The following LRRIQ3 variants were observed in gnomAD, a reference collection of about 807,000 sequenced individuals.
The protein encoded by LRRIQ3 is leucine rich repeats and IQ motif containing 3.
Under a neutral mutation model 59.3 loss-of-function variants are expected in LRRIQ3, and 75 were observed. The observed-to-expected ratio is 1.26, with a 90% confidence interval of 1.05 to 1.53. The LOEUF is 1.53. Ranked by LOEUF, LRRIQ3 falls within the 40% of genes most tolerant of loss-of-function variation. LRRIQ3 has a pLI of 0.00. For synonymous variants in LRRIQ3, 250 were observed against 231.3 expected (o/e 1.08, Z -0.73); for missense variants, 831 against 710.0 (o/e 1.17, Z -1.94).
intron 5 of LRRIQ3, among the ~76,000 whole-genome samples, chr1:74,089,732 A>T (rs1302527846): frequency 6.6e-6 from 1 of 152,026 alleles, no homozygotes; most frequent in Non-Finnish European, 1.5e-5. Flanking sequence ...GAATAATGAA[A>T]ATTTTATTTA....
chr1:74,027,118 TA>T (rs1308171735), intron 7 of LRRIQ3, 149 bp from the exon 8 acceptor site: 2 of 540,702 alleles, frequency 3.7e-6, no homozygotes, highest in Non-Finnish European at 6.3e-6. Context: ...ATAACTTGGT[TA>T]TATCATTAAA....
intron 6 of LRRIQ3, among the ~76,000 whole-genome samples, chr1:74,062,698 A>G (rs1654755211): frequency 6.6e-6 from 1 of 152,264 alleles, no homozygotes; most frequent in Admixed American, 6.5e-5. Flanking sequence ...ACATGGTTGG[A>G]GCTGTAGGCC....
At chr1:74,094,181 C>A (rs535997007) in intron 5 of LRRIQ3, among the ~76,000 whole-genome samples, 1 of 151,988 alleles carries the variant, frequency 6.6e-6, no homozygotes. Flanking sequence ...CCTCATTTAA[C>A]CTTAATTACT....
At position 74,041,788 on chromosome 1, in the gene LRRIQ3, A is replaced by C; in HGVS notation, c.1143T>G (p.Tyr381Ter). The change falls in exon 7 of 8, where the codon TAT (tyrosine) becomes TAG (stop). Residue 381 changes from tyrosine (Y) to a stop codon, truncating the protein, a stop_gained. Transcript: ENST00000354431. LOFTEE classifies it high-confidence loss of function. ...REKKQHFFPA[Y>*]PQPIYTTHPK... The stretch of plus-strand genomic sequence containing the variant: ...GATGAGTAGTATAGATTGGCTGAGG[A>C]TATGCAGGAAAAAAATGTTGTTTTT... 2.5e-6 allele frequency: 4 copies of C among 1,613,654 alleles called. No individual in the cohort carries two copies. The highest frequency in any genetic ancestry group is 3.4e-6 in the Non-Finnish European group (4 of 1,179,758).
intron 4 of LRRIQ3, chr1:74,138,443 CT>C (rs1323552046): frequency 1.0e-6 from 1 of 979,424 alleles, no homozygotes; most frequent in Non-Finnish European, 1.2e-6. Flanking sequence ...TACATACTTA[CT>C]TTTTGGTGTC....
At chr1:74,142,582 C>T (rs1279643201) in intron 4 of LRRIQ3, among the ~76,000 whole-genome samples, 1 of 151,938 alleles carries the variant, frequency 6.6e-6, no homozygotes, top group Non-Finnish European at 1.5e-5. Flanking sequence ...GTTAAAGTAG[C>T]TTAAATTTCA....
chr1:74,090,336 T>TA (rs397861236), intron 5 of LRRIQ3, among the ~76,000 whole-genome samples: 2 of 151,554 alleles, frequency 1.3e-5, no homozygotes, highest in African/African-American at 2.4e-5. Flanking sequence ...GTTTTTTTTT[T>TA]AAAACTGAAG....
intron 4 of LRRIQ3, among the ~76,000 whole-genome samples, chr1:74,136,725 T>C (rs937611561): frequency 3.3e-5 from 5 of 151,992 alleles, no homozygotes; most frequent in Non-Finnish European, 7.4e-5. Context: ...AGACTGTTCT[T>C]AGTAATTATT....
intron 4 of LRRIQ3, chr1:74,144,307 C>T (rs1438356646): frequency 1.5e-5 from 3 of 202,466 alleles, no homozygotes; most frequent in Non-Finnish European, 3.2e-5. Context: ...CAAATACTCC[C>T]CAAGTAATCA....
intron 6 of LRRIQ3, among the ~76,000 whole-genome samples, chr1:74,073,124 G>T (rs903877955): frequency 6.6e-6 from 1 of 151,952 alleles, no homozygotes; most frequent in Non-Finnish European, 1.5e-5. Context: ...CTCCAACATG[G>T]TTCCTATCTC....
At chr1:74,147,640 A>G (rs970938341) in intron 4 of LRRIQ3, among the ~76,000 whole-genome samples, 5 of 152,212 alleles carry the variant, frequency 3.3e-5, no homozygotes, top group African/African-American at 9.6e-5. Context: ...CATGTTTTGG[A>G]TACAGTTTTA....
At chr1:74,031,880 C>G (rs2100360978) in intron 7 of LRRIQ3, among the ~76,000 whole-genome samples, 1 of 152,106 alleles carries the variant, frequency 6.6e-6, no homozygotes, top group East Asian at 1.9e-4. Flanking sequence ...ATTCCACTTA[C>G]ACTGTGACCA....
intron 1 of LRRIQ3, among the ~76,000 whole-genome samples, chr1:74,185,395 G>A (rs1479882488): frequency 6.6e-6 from 1 of 152,088 alleles, no homozygotes; most frequent in Non-Finnish European, 1.5e-5. Flanking sequence ...AATAATATAT[G>A]ATGTTGAGCA....
At chr1:74,133,143 A>G (rs1031209897) in intron 4 of LRRIQ3, among the ~76,000 whole-genome samples, 5 of 152,150 alleles carry the variant, frequency 3.3e-5, no homozygotes, top group East Asian at 1.9e-4. Context: ...AGAGAAATGC[A>G]AATCAAAAAC....
At chr1:74,085,062 A>C (rs1344765107) in intron 5 of LRRIQ3, among the ~76,000 whole-genome samples, 1 of 151,760 alleles carries the variant, frequency 6.6e-6, no homozygotes, top group Non-Finnish European at 1.5e-5. Context: ...TTTTCTTTCA[A>C]TGATTCCCTT....
chr1:74,153,819 T>A (rs1350319821), intron 4 of LRRIQ3, among the ~76,000 whole-genome samples: 1 of 152,148 alleles, frequency 6.6e-6, no homozygotes, highest in Non-Finnish European at 1.5e-5. Flanking sequence ...ACTTGGTGAA[T>A]AAAATGATTA....
intron 5 of LRRIQ3, among the ~76,000 whole-genome samples, chr1:74,098,934 T>G (rs1646489565): frequency 6.6e-6 from 1 of 152,074 alleles, no homozygotes; most frequent in African/African-American, 2.4e-5. Flanking sequence ...TAGCACCAAA[T>G]GCCCACAAGA....
chr1:74,130,987 A>T (rs967279630), intron 4 of LRRIQ3, among the ~76,000 whole-genome samples: 2 of 152,160 alleles, frequency 1.3e-5, no homozygotes, highest in East Asian at 3.9e-4. Flanking sequence ...ACCACCAGCA[A>T]GACTAATACA....
intron 6 of LRRIQ3, among the ~76,000 whole-genome samples, chr1:74,052,780 C>A (rs4650243): frequency 0.33 from 50,076 of 151,778 alleles, 9,925 homozygotes; most frequent in East Asian, 0.77. Context: ...ATCTGCAGTT[C>A]CTTTTTTTCA....
Sources: gnomAD v4.1 joint callset for allele counts (sites outside exome capture counted in the v4.1 genomes callset) on GRCh38, gnomAD v4.1.1 for gene constraint, MANE v1.5 for transcripts, NCBI Gene and HGNC (gene_info 2026-07-23, HGNC 2026-07-21) for gene names.